DNAJC6: variants seen among roughly 807,000 people sequenced by gnomAD.
DNAJC6 encodes the protein auxilin.
In DNAJC6, 34 loss-of-function variants were observed where a neutral mutation model predicts 110.0. The observed-to-expected ratio is 0.31, with a 90% CI of 0.24 to 0.41. DNAJC6 has a LOEUF of 0.41. DNAJC6 is among the 10% of genes least tolerant of loss of function. The pLI is 1.00. For synonymous variants in DNAJC6, 406 were observed against 437.2 expected, an observed-to-expected ratio of 0.93 and a Z score of 0.89; for missense variants, 1,031 against 1,207.8, an observed-to-expected ratio of 0.85 and a Z score of 2.17.
intron 5 of DNAJC6, among the ~76,000 whole-genome samples, chr1:65,382,800 T>G (rs1201583583): frequency 6.6e-6 from 1 of 152,246 alleles, no homozygotes; most frequent in Non-Finnish European, 1.5e-5. Flanking sequence ...TATCTTTCAT[T>G]TCACATCTGG....
rs988579574 is a variant in DNAJC6, at chr1:65,411,258, A to G, written c.2643A>G (p.Glu881=). 4.3e-6 allele frequency: 7 copies of G among 1,612,746 alleles called. No homozygotes were observed. Among genetic ancestry groups the G allele is most frequent in the East Asian group, 4.5e-5 (2 of 44,848 alleles). ...CCCCTTTGTGTTTACAGATTCTGGA[A>G]TGGATTGAAGGCAAAGAAAGAAATA... ...EMDPEKLKIL[E]WIEGKERNIR... The change falls in exon 18 of 19, where the codon GAA becomes GAG. Residue 881 remains glutamate, a synonymous_variant. Transcript: ENST00000371069.
chr1:65,335,720 A>G (rs1645330120), intron 1 of DNAJC6, among the ~76,000 whole-genome samples: 1 of 152,192 alleles, frequency 6.6e-6, no homozygotes, highest in Admixed American at 6.5e-5. Context: ...GAGATAAGGC[A>G]AGAGGGGTAC....
intron 1 of DNAJC6, among the ~76,000 whole-genome samples, chr1:65,292,898 C>A (rs998422846): frequency 6.6e-6 from 1 of 152,172 alleles, no homozygotes; most frequent in Non-Finnish European, 1.5e-5. Context: ...CAGCTGTTGT[C>A]ATTGGGGCTC....
intron 1 of DNAJC6, among the ~76,000 whole-genome samples, chr1:65,316,840 A>G (rs1023600591): frequency 6.6e-6 from 1 of 152,222 alleles, no homozygotes; most frequent in Non-Finnish European, 1.5e-5. Flanking sequence ...TAATATAGAC[A>G]TGTCAAGAAA....
chr1:65,276,221 C>A (rs1036931360), intron 1 of DNAJC6, among the ~76,000 whole-genome samples: 4 of 152,198 alleles, frequency 2.6e-5, no homozygotes, highest in Admixed American at 2.6e-4. Context: ...TTCACCTTGT[C>A]ATCTGTTTTC....
At chr1:65,265,569 TTAAA>T (rs1488497949) in intron 1 of DNAJC6, among the ~76,000 whole-genome samples, 1 of 152,054 alleles carries the variant, frequency 6.6e-6, no homozygotes, top group East Asian at 1.9e-4. Context: ...AGAAACGAAT[TTAAA>T]TAAAAACTCA....
intron 1 of DNAJC6, among the ~76,000 whole-genome samples, chr1:65,362,671 C>T (rs1392336960): frequency 1.3e-5 from 2 of 152,166 alleles, no homozygotes; most frequent in Non-Finnish European, 2.9e-5. Flanking sequence ...GACTGACTTC[C>T]AGGGTCACAC....
chr1:65,389,605 CT>C lies in DNAJC6; in HGVS notation c.1449del (p.Phe483LeufsTer23). The C allele has an allele frequency of 6.2e-7, 1 of 1,614,158 alleles. No homozygotes were observed. Among genetic ancestry groups the C allele is most frequent in the Non-Finnish European group, 8.5e-7 (1 of 1,180,010 alleles). On this transcript the variant is annotated frameshift_variant, in exon 11 of 19. Transcript: ENST00000371069. LOFTEE classifies it high-confidence loss of function. ...CCAGGCATTACGGACAAAGTGGTTT[CT>C]TTGCCTCTCTCTGTTGGCAAGGTAT... is the stretch of plus-strand genomic sequence containing the variant. ...NPRHYGQSGF[F>X]ASLCWQDQKS...
At chr1:65,344,524 A>T (rs780649396) in intron 1 of DNAJC6, among the ~76,000 whole-genome samples, 1 of 152,104 alleles carries the variant, frequency 6.6e-6, no homozygotes, top group Non-Finnish European at 1.5e-5. Flanking sequence ...TATTTGGCTT[A>T]GTTGTCATTG....
intron 1 of DNAJC6, among the ~76,000 whole-genome samples, chr1:65,350,857 A>G (rs1177248109): frequency 6.6e-6 from 1 of 152,226 alleles, no homozygotes; most frequent in Admixed American, 6.5e-5. Flanking sequence ...GCCAGCATTT[A>G]TAACCTCTGG....
rs754507247 is a variant in DNAJC6, at chr1:65,379,417, T to C, written c.559T>C (p.Trp187Arg). The C allele has an allele frequency of 5.6e-6, 9 of 1,614,134 alleles. No individual in the cohort carries two copies. The highest frequency in any genetic ancestry group is 7.6e-6 in the Non-Finnish European group (9 of 1,179,978). The change falls in exon 5 of 19, where the codon TGG becomes CGG. Residue 187 changes from tryptophan to arginine, a missense_variant. Trp to Arg is a moderately radical substitution (Grantham distance 101). Coordinates refer to ENST00000371069, the MANE Select transcript of DNAJC6 (RefSeq NM_001256864.2). ...KFHSRVSECSWPIRQAPSLHN... is the reference protein window; with the variant it reads ...KFHSRVSECSRPIRQAPSLHN... ...GCTCCCTTAGGTCTCAGAATGCAGT[T>C]GGCCCATTAGGCAGGCTCCCAGTCT...
chr1:65,399,051 G>T (rs955229581), intron 14 of DNAJC6, among the ~76,000 whole-genome samples, 170 bp downstream of exon 14: 1 of 152,154 alleles, frequency 6.6e-6, no homozygotes, highest in East Asian at 1.9e-4. Flanking sequence ...TTGATGACAT[G>T]ATAGTGCTAC....
chr1:65,275,195 T>G (rs141699607), intron 1 of DNAJC6, among the ~76,000 whole-genome samples: 77 of 152,370 alleles, frequency 5.1e-4, no homozygotes, highest in East Asian at 2.1e-3. Flanking sequence ...GGATTTTTTG[T>G]GTATTCCCTC....
intron 1 of DNAJC6, among the ~76,000 whole-genome samples, chr1:65,330,290 A>T (rs1645275652): frequency 6.6e-6 from 1 of 152,196 alleles, no homozygotes; most frequent in Admixed American, 6.5e-5. Context: ...AATTCTGCAA[A>T]CAATGATGAG....
chr1:65,336,251 C>T (rs1645335452), intron 1 of DNAJC6, among the ~76,000 whole-genome samples: 1 of 152,052 alleles, frequency 6.6e-6, no homozygotes, highest in South Asian at 2.1e-4. Context: ...GAAAAGTCCC[C>T]TATGAAACTA....
intron 1 of DNAJC6, among the ~76,000 whole-genome samples, chr1:65,354,775 A>G (rs1645526220): frequency 6.6e-6 from 1 of 152,092 alleles, no homozygotes; most frequent in South Asian, 2.1e-4. Context: ...GTAAAATATA[A>G]CCCCCTTTTA....
At chr1:65,390,033 A>G (rs889682698) in intron 11 of DNAJC6, among the ~76,000 whole-genome samples, 3 of 150,278 alleles carry the variant, frequency 2.0e-5, no homozygotes, top group Admixed American at 6.6e-5. Flanking sequence ...TTTAAAAGAC[A>G]TCATTCAAGT....
chr1:65,412,427 C>T (rs1646137193), intron 18 of DNAJC6, among the ~76,000 whole-genome samples: 1 of 152,150 alleles, frequency 6.6e-6, no homozygotes, highest in South Asian at 2.1e-4. Flanking sequence ...TTCATCTCTC[C>T]ACATTTTTTT....
At chr1:65,332,643 T>C (rs904873364) in intron 1 of DNAJC6, among the ~76,000 whole-genome samples, 1 of 152,156 alleles carries the variant, frequency 6.6e-6, no homozygotes, top group Admixed American at 6.5e-5. Flanking sequence ...TTTGGAAAAA[T>C]GATCAGTGTC....
Sources: gnomAD v4.1 joint callset for allele counts (sites outside exome capture counted in the v4.1 genomes callset) on GRCh38, gnomAD v4.1.1 for gene constraint, MANE v1.5 for transcripts, NCBI Gene and HGNC (gene_info 2026-07-23, HGNC 2026-07-21) for gene names.